GTF3C4: variants seen among roughly 807,000 people sequenced by gnomAD.
GTF3C4 encodes the protein general transcription factor IIIC subunit 4, also known as general transcription factor 3C polypeptide 4.
Under a neutral mutation model 67.5 loss-of-function variants are expected in GTF3C4, and 28 were observed. The observed-to-expected ratio is 0.41, with a 90% confidence interval of 0.31 to 0.57. The LOEUF (loss-of-function observed/expected upper bound fraction) is 0.57. Among genes scored for constraint, GTF3C4 ranks in the 20% least tolerant of loss-of-function variants. The pLI is 0.21. For synonymous variants in GTF3C4, 409 were observed against 393.0 expected (o/e 1.04, Z -0.48); for missense variants, 831 against 1,033.2 (o/e 0.80, Z 2.68).
intron 4 of GTF3C4, 143 bp from the exon 5 acceptor site, chr9:132,688,738 G>A: frequency 1.6e-6 from 1 of 628,540 alleles, no homozygotes; most frequent in Non-Finnish European, 2.9e-6. Context: ...AAGAAGTGAA[G>A]TGCTTTGTCT....
chr9:132,673,359 T>C (rs985318514), intron 1 of GTF3C4, among the ~76,000 whole-genome samples: 1 of 152,158 alleles, frequency 6.6e-6, no homozygotes, highest in Non-Finnish European at 1.5e-5. Context: ...AGCTCTCTTA[T>C]AGTTGACAAA....
intron 4 of GTF3C4, 114 bp downstream of exon 4, chr9:132,687,441 G>A (rs1590139670): frequency 6.4e-6 from 3 of 466,258 alleles, no homozygotes; most frequent in Admixed American, 5.3e-5. Flanking sequence ...TTGTGTTGTC[G>A]GGGGTGGGGG....
chr9:132,689,110 C>T lies in GTF3C4; in HGVS notation c.*165C>T, dbSNP rs1247620941. ...CTGGAGCTCATTTCTGAATCGCACT[C>T]TCCATTTCCAGAGACTAAAGGATGT... On this transcript the variant is annotated 3_prime_UTR_variant, in exon 5 of 5. Coordinates refer to ENST00000372146, the MANE Select transcript of GTF3C4 (RefSeq NM_012204.4). 1.6e-6 allele frequency: 1 copy of T among 611,760 alleles called. No individual in the cohort carries two copies. The highest frequency in any genetic ancestry group is 2.9e-6 in the Non-Finnish European group (1 of 341,900). The allele number at this position is 611,760 out of a possible 1,614,324, so 37.9% of individuals were successfully genotyped here. A position where few individuals can be genotyped will look rare whatever the true frequency, so the allele number is the denominator to read the frequency against.
Position 132,679,722 on chromosome 9 carries a change from C to T in GTF3C4, c.2103C>T (p.Ile701=). Reference sequence around the variant, plus strand: ...GAGAAGTGTATCTGCACACCTGGATCACAGAAAACACTAGCATCCCCACCC... The same window carrying T: ...GAGAAGTGTATCTGCACACCTGGATTACAGAAAACACTAGCATCCCCACCC... ...VLGEVYLHTW[I]TENTSIPTRG... The change falls in exon 2 of 5, where the codon ATC becomes ATT. Residue 701 remains isoleucine (I), a synonymous_variant. Coordinates refer to ENST00000372146, the MANE Select transcript of GTF3C4 (RefSeq NM_012204.4). The surrounding 1 kb of genome is among the most constrained non-coding windows in gnomAD (Gnocchi z 5.9). 1 of 1,613,978 alleles carries T rather than the reference C, an allele frequency of 6.2e-7. No individual in the cohort carries two copies. The highest frequency in any genetic ancestry group is 8.5e-7 in the Non-Finnish European group (1 of 1,179,898).
Position 132,689,427 on chromosome 9 carries a change from T to TGTAAAGC in GTF3C4, c.*483_*489dup, listed in dbSNP as rs1489546715. 1 of 154,908 alleles carries TGTAAAGC rather than the reference T, an allele frequency of 6.5e-6. No individual in the cohort carries two copies. The highest frequency in any genetic ancestry group is 1.4e-5 in the Non-Finnish European group (1 of 69,546). The allele number at this position is 154,908 out of a possible 1,614,324, so 9.6% of individuals were successfully genotyped here. ...CTGATGTACCAACAGAGATTAAAAG[T>TGTAAAGC]GTAAAGCAACACATGGGCTGATGTT... On this transcript the variant is annotated 3_prime_UTR_variant, in exon 5 of 5. Transcript: ENST00000372146.
At position 132,679,275 on chromosome 9, in the gene GTF3C4, T is replaced by C; in HGVS notation, c.1656T>C (p.His552=). 1 of 1,613,708 alleles carries C rather than the reference T, an allele frequency of 6.2e-7. No individual in the cohort carries two copies. The highest frequency in any genetic ancestry group is 8.5e-7 in the Non-Finnish European group (1 of 1,179,834). The change falls in exon 2 of 5, where the codon CAT becomes CAC. Residue 552 remains histidine (H), a synonymous_variant. Transcript: ENST00000372146. The surrounding 1 kb of genome is among the most constrained non-coding windows in gnomAD (Gnocchi z 5.9). ...GCTGGAAGATTTTAAAAGATAAACA[T>C]ATCCCTCAATTTTTACAAGAAGCTT... The part of the protein sequence containing the change: ...LVRWKILKDK[H]IPQFLQEALE...
chr9:132,676,428 C>T (rs987322351), intron 1 of GTF3C4, among the ~76,000 whole-genome samples: 2 of 151,420 alleles, frequency 1.3e-5, no homozygotes, highest in East Asian at 3.9e-4. Context: ...AAGCAGTTCT[C>T]CTGCCTCAGC....
chr9:132,673,796 A>G (rs898379228), intron 1 of GTF3C4, among the ~76,000 whole-genome samples: 1 of 152,234 alleles, frequency 6.6e-6, no homozygotes, highest in Non-Finnish European at 1.5e-5. Context: ...GCAGTTATGT[A>G]ATAGTTCAGA....
chr9:132,676,806 A>G (rs1835870943), intron 1 of GTF3C4, among the ~76,000 whole-genome samples: 1 of 152,140 alleles, frequency 6.6e-6, no homozygotes, highest in South Asian at 2.1e-4. Context: ...TATTATATCC[A>G]TGTGTGTCTT....
chr9:132,687,933 G>A lies in GTF3C4; in HGVS notation c.2404+606G>A, dbSNP rs1836056164. Among the ~76,000 whole-genome samples the A allele has an allele frequency of 3.3e-5, 5 of 152,142 alleles. No homozygotes were observed. In the South Asian group the frequency reaches 1.0e-3, roughly 31 times the overall value. On this transcript the variant is annotated intron_variant, in intron 4 of 4. Coordinates refer to ENST00000372146, the MANE Select transcript of GTF3C4 (RefSeq NM_012204.4). The stretch of plus-strand genomic sequence containing the variant: ...CACTCTAACCAAGTGAGCTAACTAG[G>A]TACAGAATATACAATTTTATATGTA...
chr9:132,680,911 G>A (rs775999901), intron 2 of GTF3C4, among the ~76,000 whole-genome samples: 10 of 152,188 alleles, frequency 6.6e-5, no homozygotes, highest in Non-Finnish European at 1.0e-4. Flanking sequence ...GAGACCAGGA[G>A]ACTAGCTGGC....
intron 1 of GTF3C4, 78 bp downstream of exon 1, chr9:132,671,033 G>T (rs912763209): frequency 4.1e-6 from 4 of 964,282 alleles, no homozygotes; most frequent in Non-Finnish European, 6.6e-6. Flanking sequence ...AGGGGAATCC[G>T]ATCCCACACT....
Position 132,693,848 on chromosome 9 carries a change from T to C in GTF3C4, c.*4903T>C, listed in dbSNP as rs548162702. ...AAGGCTTTGACTCAGATTTGTACTTTGATGTATGAAAGTGAATATCAAACT... is the reference window on the plus strand; with the variant it reads ...AAGGCTTTGACTCAGATTTGTACTTCGATGTATGAAAGTGAATATCAAACT... On this transcript the variant is annotated 3_prime_UTR_variant, in exon 5 of 5. Transcript: ENST00000372146. 6.6e-6 allele frequency: 1 copy of C among 152,216 alleles called. No homozygotes were observed. 9.4% of individuals were successfully genotyped at this position (152,216 alleles called of 1,614,324 possible). A position where few individuals can be genotyped will look rare whatever the true frequency, so the allele number is the denominator to read the frequency against.
chr9:132,677,168 G>A (rs1406560121), intron 1 of GTF3C4, among the ~76,000 whole-genome samples: 3 of 152,128 alleles, frequency 2.0e-5, no homozygotes, highest in Non-Finnish European at 2.9e-5. Flanking sequence ...TTGGGAGGCC[G>A]AGGCAGGTGG....
intron 3 of GTF3C4, among the ~76,000 whole-genome samples, chr9:132,683,951 C>A (rs1402743041): frequency 6.6e-6 from 1 of 152,134 alleles, no homozygotes; most frequent in Non-Finnish European, 1.5e-5. Flanking sequence ...CCTAATTGAA[C>A]AAATTATGGC....
upstream of GTF3C4, chr9:132,670,280 G>T (rs1590127055): frequency 1.3e-6 from 2 of 1,511,762 alleles, no homozygotes; most frequent in Non-Finnish European, 1.8e-6. Context: ...TTACCGCCCC[G>T]TGCGTTTCCT....
At chr9:132,683,211 C>T (rs1358290066) in intron 2 of GTF3C4, among the ~76,000 whole-genome samples, 1 of 152,192 alleles carries the variant, frequency 6.6e-6, no homozygotes, top group Non-Finnish European at 1.5e-5. Context: ...AATACTTTGT[C>T]TTCTAACAGA....
chr9:132,685,573 G>A (rs1388369750), intron 3 of GTF3C4, among the ~76,000 whole-genome samples: 3 of 150,410 alleles, frequency 2.0e-5, no homozygotes, highest in African/African-American at 7.3e-5. Context: ...TGGCAGACTC[G>A]AACTCCTGGG....
intron 4 of GTF3C4, 21 bp from the exon 5 acceptor site, chr9:132,688,860 C>G: frequency 6.3e-7 from 1 of 1,587,780 alleles, no homozygotes; most frequent in Non-Finnish European, 8.7e-7. Context: ...ACAGTTGATA[C>G]CACTTGTCCT....
Sources: gnomAD v4.1 joint callset for allele counts (sites outside exome capture counted in the v4.1 genomes callset) on GRCh38, gnomAD v4.1.1 for gene constraint, Gnocchi (gnomAD v3.1) non-coding constraint, MANE v1.5 for transcripts, NCBI Gene and HGNC (gene_info 2026-07-23, HGNC 2026-07-21) for gene names.